The following TBX5 variants were observed in gnomAD, a reference collection of about 807,000 sequenced individuals.
TBX5 encodes the protein T-box transcription factor TBX5.
Under a neutral mutation model 51.1 loss-of-function variants are expected in TBX5, and 8 were observed. That is an observed-to-expected ratio of 0.16 (90% confidence interval 0.09 to 0.28). The LOEUF (loss-of-function observed/expected upper bound fraction) is 0.28, where lower values mean the gene tolerates loss of function less well. Among genes scored for constraint, TBX5 ranks in the 10% least tolerant of loss-of-function variants. TBX5 has a pLI of 1.00. For missense variants in TBX5, 589 were observed against 671.7 expected, an observed-to-expected ratio of 0.88 and a Z score of 1.36; for synonymous variants, 302 against 266.4, an observed-to-expected ratio of 1.13 and a Z score of -1.30.
chr12:114,355,780 G>T lies in TBX5; in HGVS notation c.1309C>A (p.Pro437Thr). The change falls in exon 9 of 9, where the codon CCT becomes ACT. Residue 437 changes from proline to threonine, a missense_variant. Pro to Thr is a conservative substitution (Grantham distance 38). Coordinates refer to ENST00000405440, the MANE Select transcript of TBX5 (RefSeq NM_181486.4). ...SAHFTSGPLV[P>T]RLAGMANHGS... Reference sequence around the variant, plus strand: ...TGGTTGGCCATGCCAGCCAGCCGAGGGACCAGGGGCCCCGAGGTGAAGTGA... The same window carrying T: ...TGGTTGGCCATGCCAGCCAGCCGAGTGACCAGGGGCCCCGAGGTGAAGTGA... The T allele has an allele frequency of 6.2e-7, 1 of 1,614,150 alleles. No homozygotes were observed. Among genetic ancestry groups the T allele is most frequent in the Non-Finnish European group, 8.5e-7 (1 of 1,180,032 alleles).
intron 8 of TBX5, among the ~76,000 whole-genome samples, chr12:114,364,967 A>C (rs1031291876): frequency 3.3e-5 from 5 of 151,798 alleles, no homozygotes; most frequent in Middle Eastern, 6.4e-3. Context: ...GCTGAACTCC[A>C]CCACACCACC....
At chr12:114,398,786 C>A in intron 4 of TBX5, 66 bp from the exon 5 acceptor site, 1 of 1,550,756 alleles carries the variant, frequency 6.4e-7, no homozygotes, top group Non-Finnish European at 8.7e-7. Context: ...TGCACCGAAG[C>A]GTGCTTCAGT....
upstream of TBX5, among the ~76,000 whole-genome samples, chr12:114,406,799 G>A (rs1434146748): frequency 6.6e-6 from 1 of 151,956 alleles, no homozygotes; most frequent in Non-Finnish European, 1.5e-5. Context: ...ACTGGCTAGG[G>A]TTTTCATCTC....
chr12:114,399,946 C>A (rs1871703969), intron 3 of TBX5, among the ~76,000 whole-genome samples: 1 of 152,170 alleles, frequency 6.6e-6, no homozygotes, highest in South Asian at 2.1e-4. Flanking sequence ...TCTTGCTAAC[C>A]GCCCTTTTCG....
At chr12:114,363,753 T>C (rs1047373977) in intron 8 of TBX5, among the ~76,000 whole-genome samples, 3 of 152,202 alleles carry the variant, frequency 2.0e-5, no homozygotes, top group Non-Finnish European at 4.4e-5. Context: ...GTTTCCCCAT[T>C]GATAAAGTGG....
intron 3 of TBX5, among the ~76,000 whole-genome samples, chr12:114,400,109 A>G (rs1871714909): frequency 1.3e-5 from 2 of 152,162 alleles, no homozygotes; most frequent in Non-Finnish European, 2.9e-5. Context: ...TGCGCCCCAG[A>G]GATGCACACG....
At chr12:114,374,330 G>T (rs529474645) in intron 7 of TBX5, among the ~76,000 whole-genome samples, 5 of 152,116 alleles carry the variant, frequency 3.3e-5, no homozygotes, top group Non-Finnish European at 7.4e-5. Flanking sequence ...TTCCTCTAGG[G>T]GAGTTGGTTT....
At position 114,385,634 on chromosome 12, in the gene TBX5, T is replaced by C. The variant is rs373814308; in HGVS notation, c.664-67A>G. 3.8e-5 allele frequency: 49 copies of C among 1,299,138 alleles called. 1 individual carries two copies. The highest frequency in any genetic ancestry group is 2.5e-4 in the East Asian group (11 of 43,344). 80.5% of individuals were successfully genotyped at this position (1,299,138 alleles called of 1,614,324 possible). ...ATTGCTGCAAGACCACCTCAGGACA[T>C]GAGCTAATAATAAATATCATGGAAA... On this transcript the variant is annotated intron_variant, in intron 6 of 8. Coordinates refer to ENST00000405440, the MANE Select transcript of TBX5 (RefSeq NM_181486.4).
intron 6 of TBX5, 134 bp from the exon 7 acceptor site, chr12:114,385,701 C>G: frequency 1.3e-6 from 1 of 743,812 alleles, no homozygotes; most frequent in Middle Eastern, 2.3e-4. Context: ...AAGCCAGTCA[C>G]GTCAACGGGA....
intron 8 of TBX5, among the ~76,000 whole-genome samples, chr12:114,357,283 G>C (rs1438644646): frequency 6.6e-6 from 1 of 152,084 alleles, no homozygotes; most frequent in Admixed American, 6.5e-5. Flanking sequence ...TGGCCCCTTT[G>C]AAAACAAGAA....
chr12:114,406,187 TCCC>T (rs1319708928), upstream of TBX5: 1 of 189,972 alleles, frequency 5.3e-6, no homozygotes, highest in African/African-American at 2.9e-5. Context: ...TCTGTCGCCC[TCCC>T]CCTTCTCTCT....
chr12:114,403,788 C>T lies in TBX5; in HGVS notation c.111G>A (p.Lys37=), dbSNP rs1871995858. The T allele has an allele frequency of 1.5e-5, 25 of 1,613,986 alleles. No homozygotes were observed. The highest frequency in any genetic ancestry group is 2.2e-5 in the East Asian group (1 of 44,854). The change falls in exon 2 of 9, where the codon AAG becomes AAA. Residue 37 remains lysine (K), a synonymous_variant. Transcript: ENST00000405440. Reference sequence around the variant, plus strand: ...AGGCGGCCTGCGGGGACGACGGGGACTTGCTGGGGGCCCCGAGCGCGCTCT... The same window carrying T: ...AGGCGGCCTGCGGGGACGACGGGGATTTGCTGGGGGCCCCGAGCGCGCTCT... ...KPESALGAPS[K]SPSSPQAAFT...
chr12:114,357,867 G>T (rs1869007890), intron 8 of TBX5, among the ~76,000 whole-genome samples: 1 of 152,166 alleles, frequency 6.6e-6, no homozygotes, highest in Non-Finnish European at 1.5e-5. Flanking sequence ...ATGAAACACT[G>T]GGGCATCCAT....
At chr12:114,392,231 G>C (rs961045218) in intron 6 of TBX5, among the ~76,000 whole-genome samples, 3 of 150,918 alleles carry the variant, frequency 2.0e-5, no homozygotes, top group African/African-American at 7.3e-5. Context: ...GGGCAGGCAG[G>C]CATTCATGCA....
intron 7 of TBX5, among the ~76,000 whole-genome samples, chr12:114,368,411 G>A (rs16944123): frequency 0.022 from 3,297 of 152,178 alleles, 62 homozygotes; most frequent in African/African-American, 0.038. Flanking sequence ...AATATCATGC[G>A]CAAAGAGCTA....
chr12:114,403,564 G>T (rs374331874), intron 2 of TBX5, among the ~76,000 whole-genome samples, 188 bp downstream of exon 2: 1 of 152,220 alleles, frequency 6.6e-6, no homozygotes, highest in Non-Finnish European at 1.5e-5. Flanking sequence ...CTAGCATTTG[G>T]GGAGACAGGG....
At chr12:114,382,905 A>G (rs568412268) in intron 7 of TBX5, among the ~76,000 whole-genome samples, 1 of 149,534 alleles carries the variant, frequency 6.7e-6, no homozygotes, top group African/African-American at 2.4e-5. Context: ...GAGCCTGTGG[A>G]TGTCAGGGCT....
In TBX5 at chr12:114,354,316, A is replaced by C. The variant is rs1463521665; in HGVS notation, c.*1216T>G. 6.6e-6 allele frequency: 1 copy of C among 152,238 alleles called. No individual in the cohort carries two copies. Among genetic ancestry groups the C allele is most frequent in the African/African-American group, 2.4e-5 (1 of 41,460 alleles). The allele number at this position is 152,238 out of a possible 1,614,324, so 9.4% of individuals were successfully genotyped here. ...ATGTTATTACTTAATTAGAATTCCTATTTATAAATAAATAGTACCAGTAAA... is the reference window on the plus strand; with the variant it reads ...ATGTTATTACTTAATTAGAATTCCTCTTTATAAATAAATAGTACCAGTAAA... On this transcript the variant is annotated 3_prime_UTR_variant, in exon 9 of 9. Transcript: ENST00000405440.
At chr12:114,408,325 T>C (rs1325387808), upstream of TBX5, 2 of 614,762 alleles carry the variant, frequency 3.3e-6, no homozygotes, top group Non-Finnish European at 4.1e-6. Context: ...AGATCGACTT[T>C]CTTAGGAAGG....
Sources: allele counts gnomAD v4.1 joint callset (sites outside exome capture counted in the v4.1 genomes callset), GRCh38; gene constraint gnomAD v4.1.1; transcripts MANE v1.5; gene names NCBI Gene and HGNC (gene_info 2026-07-23, HGNC 2026-07-21).